Variants in ZNF43 observed in about 807,000 individuals in gnomAD.
The protein encoded by ZNF43 is zinc finger protein 39-like 1 (KOX 27).
A neutral mutation model predicts 68.4 loss-of-function variants in ZNF43; 44 were observed. The ratio of observed to expected loss-of-function variants is 0.64; its 90% CI spans 0.51 to 0.83. The LOEUF is 0.83. Ranked by LOEUF, ZNF43 falls within the 40% of genes least tolerant of loss-of-function variation. The probability of loss-of-function intolerance (pLI) is 0.00; values close to 1 mark genes in which losing one functional copy is unlikely to be tolerated. For synonymous variants in ZNF43, 308 were observed against 307.8 expected (o/e 1.00, Z -0.01); for missense variants, 896 against 933.2 (o/e 0.96, Z 0.52).
chr19:21,839,386 G>A (rs1461740563), upstream of ZNF43, among the ~76,000 whole-genome samples: 6 of 138,796 alleles, frequency 4.3e-5, no homozygotes, highest in Non-Finnish European at 9.1e-5. Context: ...GCTGGGCCCA[G>A]CTACATATCA....
At chr19:21,834,602 C>CA (rs1224289562) in intron 1 of ZNF43, among the ~76,000 whole-genome samples, 2 of 151,366 alleles carry the variant, frequency 1.3e-5, no homozygotes, top group South Asian at 2.1e-4. Context: ...ACTAAAAATA[C>CA]AAAAAAATTA....
At chr19:21,837,576 C>A (rs1967210848), upstream of ZNF43, among the ~76,000 whole-genome samples, 1 of 151,878 alleles carries the variant, frequency 6.6e-6, no homozygotes, top group African/African-American at 2.4e-5. Flanking sequence ...AGGTGCATGA[C>A]CCCATGCCCA....
chr19:21,850,240 G>C (rs756001919), intron 1 of ZNF43, among the ~76,000 whole-genome samples: 21 of 152,338 alleles, frequency 1.4e-4, no homozygotes, highest in Admixed American at 2.6e-4. Flanking sequence ...GATTGATGCA[G>C]AGATATGTCA....
chr19:21,819,060 G>A (rs751132885), intron 2 of ZNF43, 35 bp downstream of exon 2: 3 of 1,591,186 alleles, frequency 1.9e-6, no homozygotes, highest in Non-Finnish European at 2.6e-6. Flanking sequence ...AATCTTTAGG[G>A]TATATTAGGA....
intron 1 of ZNF43, among the ~76,000 whole-genome samples, chr19:21,844,921 A>ATATATAT (rs1555728259): frequency 7.7e-5 from 2 of 26,050 alleles, no homozygotes; most frequent in African/African-American, 2.2e-4. Flanking sequence ...AAAAAAAAAA[A>ATATATAT]ATATATATAT....
intron 1 of ZNF43, among the ~76,000 whole-genome samples, chr19:21,829,675 A>G (rs2038327345): frequency 6.6e-6 from 1 of 152,220 alleles, no homozygotes; most frequent in Non-Finnish European, 1.5e-5. Flanking sequence ...CTTTAAGATA[A>G]AAGAGTTGAA....
Position 21,836,163 on chromosome 19 carries a change from C to A in ZNF43, c.-125G>T, listed in dbSNP as rs550701063. On this transcript the variant is annotated 5_prime_UTR_variant, in exon 1 of 4. Coordinates refer to ENST00000354959, the MANE Select transcript of ZNF43 (RefSeq NM_003423.4). Reference sequence around the variant, plus strand: ...AGAAGAACGAAGACGAGACGCAGAGCTCCAACTGCAGCCAGAGACAAAGGC... The same window carrying A: ...AGAAGAACGAAGACGAGACGCAGAGATCCAACTGCAGCCAGAGACAAAGGC... 55 of 1,564,730 alleles carry A rather than the reference C, an allele frequency of 3.5e-5. No homozygotes were observed. The highest frequency in any genetic ancestry group is 3.2e-4 in the South Asian group (27 of 84,468).
intron 1 of ZNF43, among the ~76,000 whole-genome samples, chr19:21,845,665 G>A (rs929392029): frequency 2.6e-5 from 4 of 151,972 alleles, no homozygotes; most frequent in African/African-American, 9.7e-5. Flanking sequence ...AGGCCGAGGC[G>A]GGCAGATCAC....
chr19:21,810,210 T>G (rs2037210572), intron 3 of ZNF43, among the ~76,000 whole-genome samples: 1 of 152,220 alleles, frequency 6.6e-6, no homozygotes, highest in Non-Finnish European at 1.5e-5. Context: ...GCTCACAATT[T>G]GGCAGACTGT....
chr19:21,835,691 G>A (rs1381209501), intron 1 of ZNF43, among the ~76,000 whole-genome samples: 1 of 152,142 alleles, frequency 6.6e-6, no homozygotes, highest in Non-Finnish European at 1.5e-5. Context: ...AGAGGGACTA[G>A]AAATGCCACG....
upstream of ZNF43, among the ~76,000 whole-genome samples, chr19:21,837,415 C>CT (rs539940868): frequency 0.19 from 15,758 of 83,804 alleles, 4,120 homozygotes; most frequent in Non-Finnish European, 0.23. Flanking sequence ...CCTACACTTA[C>CT]TTTTTTTTTT....
chr19:21,836,006 C>A (rs2038708320), intron 1 of ZNF43, 30 bp downstream of exon 1: 2 of 1,613,868 alleles, frequency 1.2e-6, no homozygotes, highest in South Asian at 2.2e-5. Flanking sequence ...GCCCCTTCCC[C>A]CTCTCGGGAT....
intron 1 of ZNF43, among the ~76,000 whole-genome samples, chr19:21,819,808 C>T (rs1160316828): frequency 1.3e-5 from 2 of 152,032 alleles, no homozygotes; most frequent in Non-Finnish European, 2.9e-5. Context: ...TAAGAGCTTT[C>T]ATTTTCAAAA....
At chr19:21,810,359 A>C (rs927599240) in intron 3 of ZNF43, among the ~76,000 whole-genome samples, 2 of 152,138 alleles carry the variant, frequency 1.3e-5, no homozygotes, top group African/African-American at 4.8e-5. Flanking sequence ...CTTTTAATGA[A>C]CCAGCTCTCT....
At chr19:21,839,267 CATA>C (rs1184703648), upstream of ZNF43, among the ~76,000 whole-genome samples, 2 of 127,784 alleles carry the variant, frequency 1.6e-5, no homozygotes, top group African/African-American at 6.0e-5. Flanking sequence ...TCAGGAGACT[CATA>C]ATACCTAGGT....
rs1234358199 is a variant in ZNF43, at chr19:21,847,530, C to G, written c.30+4375G>C. Among the ~76,000 whole-genome samples, 18 of 152,074 alleles carry G rather than the reference C, an allele frequency of 1.2e-4. 1 individual carries two copies. Among genetic ancestry groups the G allele is most frequent in the Non-Finnish European group, 2.2e-4 (15 of 68,010 alleles). ...TGGCCAACATGCTGAAACCCCATCT[C>G]TACTAAAAATACAAAAATTAGCTGG... On this transcript the variant is annotated intron_variant, in intron 1 of 3. Coordinates refer to the ZNF43 transcript ENST00000357491.
chr19:21,822,806 G>GAA (rs995944477), intron 1 of ZNF43, among the ~76,000 whole-genome samples: 3 of 143,612 alleles, frequency 2.1e-5, no homozygotes, highest in African/African-American at 7.6e-5. Context: ...CTCCGTCTCA[G>GAA]AAAAAAAAAA....
chr19:21,825,128 G>A (rs1384628546), intron 1 of ZNF43, among the ~76,000 whole-genome samples: 1 of 152,132 alleles, frequency 6.6e-6, no homozygotes, highest in Non-Finnish European at 1.5e-5. Context: ...CAGCTACTCG[G>A]GAGGCTAAGG....
At chr19:21,814,288 C>A (rs1489556855) in intron 3 of ZNF43, among the ~76,000 whole-genome samples, 1 of 151,848 alleles carries the variant, frequency 6.6e-6, no homozygotes, top group African/African-American at 2.4e-5. Context: ...ACAAAACAAC[C>A]ATTAAAAATT....
Sources: gnomAD v4.1 joint callset for allele counts (sites outside exome capture counted in the v4.1 genomes callset) on GRCh38, gnomAD v4.1.1 for gene constraint, MANE v1.5 for transcripts, NCBI Gene and HGNC (gene_info 2026-07-23, HGNC 2026-07-21) for gene names.